ADAM2: variants seen among roughly 807,000 people sequenced by gnomAD.
ADAM2 encodes the protein disintegrin and metalloproteinase domain-containing protein 2.
A neutral mutation model predicts 99.3 loss-of-function variants in ADAM2; 101 were observed. The observed-to-expected ratio is 1.02, with a 90% CI of 0.87 to 1.20. ADAM2 has a LOEUF of 1.20. Ranked by LOEUF, ADAM2 falls within the 50% of genes most tolerant of loss-of-function variation. The pLI, the probability that ADAM2 is intolerant of heterozygous loss-of-function variation, is 0.00. For missense variants in ADAM2, 948 were observed against 878.7 expected (o/e 1.08, Z -1.00); for synonymous variants, 323 against 287.6 (o/e 1.12, Z -1.25).
intron 7 of ADAM2, among the ~76,000 whole-genome samples, chr8:39,794,241 T>A (rs983337641): frequency 3.9e-5 from 6 of 152,186 alleles, no homozygotes; most frequent in Non-Finnish European, 7.4e-5. Context: ...TATCTTTAAA[T>A]GGTATTGCCA....
chr8:39,824,914 A>C lies in ADAM2; in HGVS notation c.189-17T>G. 8.7e-7 allele frequency: 1 copy of C among 1,143,260 alleles called. No individual in the cohort carries two copies. Among genetic ancestry groups the C allele is most frequent in the Non-Finnish European group, 1.3e-6 (1 of 770,608 alleles). 70.8% of individuals were successfully genotyped at this position (1,143,260 alleles called of 1,614,324 possible). A position where few individuals can be genotyped will look rare whatever the true frequency, so the allele number is the denominator to read the frequency against. ...AAAAAGTTTCTGTAACATAAAGATA[A>C]AATGGAAAAATTTGATTCTTAACCT... is the stretch of plus-strand genomic sequence containing the variant. On this transcript the variant is annotated splice_polypyrimidine_tract_variant and intron_variant, in intron 3 of 20. Transcript: ENST00000265708.
In ADAM2 at chr8:39,749,723, C is replaced by G. The variant is rs1395170461; in HGVS notation, c.1819G>C (p.Val607Leu). Residue 607 changes from valine to leucine, a missense_variant, in exon 17 of 21, where the codon GTG becomes CTG. By Grantham distance (32) the Val-to-Leu change is conservative. Transcript: ENST00000265708. ...TCATAACCCAAGTATGAAGAACTCA[C>G]ACATCTTTGATTCCTGCAAACCTAA... ...SNKVCRNQRC[V>L]SSSYLGYDCT... 1.2e-6 allele frequency: 2 copies of G among 1,612,258 alleles called. No individual in the cohort carries two copies. Among genetic ancestry groups the G allele is most frequent in the South Asian group, 2.2e-5 (2 of 90,892 alleles).
intron 16 of ADAM2, among the ~76,000 whole-genome samples, chr8:39,750,941 A>G (rs1304292013): frequency 6.6e-6 from 1 of 152,168 alleles, no homozygotes; most frequent in Admixed American, 6.5e-5. Context: ...AATATTTTTT[A>G]TTTTAAAAGT....
intron 11 of ADAM2, among the ~76,000 whole-genome samples, chr8:39,772,845 A>G (rs573260854): frequency 6.6e-6 from 1 of 152,044 alleles, no homozygotes; most frequent in South Asian, 2.1e-4. Flanking sequence ...TTTGTATTTT[A>G]AAAAAAGTAC....
intron 11 of ADAM2, among the ~76,000 whole-genome samples, chr8:39,775,183 CATTTT>C (rs1802940609): frequency 1.3e-5 from 2 of 152,112 alleles, no homozygotes; most frequent in South Asian, 4.1e-4. Context: ...GCGTACATTT[CATTTT>C]AAGACTTTTT....
intron 16 of ADAM2, among the ~76,000 whole-genome samples, chr8:39,755,276 C>T (rs1586050521): frequency 6.6e-6 from 1 of 152,286 alleles, no homozygotes; most frequent in African/African-American, 2.4e-5. Context: ...GTCATATATG[C>T]ATGATTGCAA....
intron 6 of ADAM2, among the ~76,000 whole-genome samples, chr8:39,818,698 A>G (rs915428387): frequency 6.6e-6 from 1 of 152,068 alleles, no homozygotes; most frequent in African/African-American, 2.4e-5. Context: ...ATAGAGAACT[A>G]ATAAACAAGT....
At chr8:39,763,142 A>C (rs59233101) in intron 14 of ADAM2, among the ~76,000 whole-genome samples, 36,338 of 152,008 alleles carry the variant, frequency 0.24, 5,891 homozygotes, top group African/African-American at 0.45. Flanking sequence ...TAAACTTTCC[A>C]TTCCCTGGAA....
chr8:39,788,096 T>C lies in ADAM2; in HGVS notation c.798A>G (p.Ala266=), dbSNP rs1227473046. The change falls in exon 9 of 21, where the codon GCA becomes GCG. Residue 266 remains alanine, a synonymous_variant. Coordinates refer to ENST00000265708, the MANE Select transcript of ADAM2 (RefSeq NM_001464.5). ...SYLVLRPHDV[A]FLLVYREKSN... Reference sequence around the variant, plus strand: ...CAAGATATCCTTACACAAGTAAAAATGCCACATCATGAGGACGTAAAACAA... The same window carrying C: ...CAAGATATCCTTACACAAGTAAAAACGCCACATCATGAGGACGTAAAACAA... 3 of 1,531,250 alleles carry C rather than the reference T, an allele frequency of 2.0e-6. No individual in the cohort carries two copies. Among genetic ancestry groups the C allele is most frequent in the Non-Finnish European group, 2.6e-6 (3 of 1,143,242 alleles). 94.9% of individuals were successfully genotyped at this position (1,531,250 alleles called of 1,614,324 possible).
At chr8:39,805,815 A>T (rs1212544901) in intron 7 of ADAM2, among the ~76,000 whole-genome samples, 1 of 152,240 alleles carries the variant, frequency 6.6e-6, no homozygotes, top group Non-Finnish European at 1.5e-5. Flanking sequence ...GAAGGCCAAC[A>T]TCACATCTAA....
At chr8:39,774,934 C>G (rs1311321717) in intron 11 of ADAM2, among the ~76,000 whole-genome samples, 1 of 151,894 alleles carries the variant, frequency 6.6e-6, no homozygotes, top group East Asian at 1.9e-4. Flanking sequence ...AAAGCATGAA[C>G]TTGATTGTAG....
At chr8:39,767,113 C>T (rs2129584101) in intron 13 of ADAM2, 40 bp downstream of exon 13, 1 of 1,598,492 alleles carries the variant, frequency 6.3e-7, no homozygotes, top group South Asian at 1.1e-5. Flanking sequence ...ATGATAACTA[C>T]TTATGTAGGT....
intron 10 of ADAM2, among the ~76,000 whole-genome samples, chr8:39,780,883 C>T (rs985563091): frequency 5.9e-5 from 9 of 152,036 alleles, no homozygotes; most frequent in African/African-American, 1.2e-4. Flanking sequence ...GGGTTTGAAA[C>T]TTGTAGAGAA....
intron 10 of ADAM2, among the ~76,000 whole-genome samples, chr8:39,779,324 C>T (rs143332270): frequency 6.6e-6 from 1 of 152,178 alleles, no homozygotes; most frequent in Non-Finnish European, 1.5e-5. Context: ...CATGGAGAGC[C>T]TTATCTCTGC....
At chr8:39,820,450 T>C (rs1345921392) in intron 6 of ADAM2, among the ~76,000 whole-genome samples, 2 of 151,988 alleles carry the variant, frequency 1.3e-5, no homozygotes, top group African/African-American at 2.4e-5. Flanking sequence ...ATCCTGAAAA[T>C]TGGAATGGGA....
At chr8:39,759,090 A>G (rs935454720) in intron 15 of ADAM2, among the ~76,000 whole-genome samples, 1 of 152,136 alleles carries the variant, frequency 6.6e-6, no homozygotes, top group Non-Finnish European at 1.5e-5. Context: ...AACTCCTCCA[A>G]AATTACATAT....
At chr8:39,836,208 T>A (rs1230436776) in intron 2 of ADAM2, among the ~76,000 whole-genome samples, 1 of 152,032 alleles carries the variant, frequency 6.6e-6, no homozygotes, top group Non-Finnish European at 1.5e-5. Flanking sequence ...AATGGGCATT[T>A]TTTTTTACTT....
At chr8:39,817,464 T>A (rs1274635854) in intron 6 of ADAM2, among the ~76,000 whole-genome samples, 1 of 152,156 alleles carries the variant, frequency 6.6e-6, no homozygotes, top group Non-Finnish European at 1.5e-5. Context: ...ATTGTATGTT[T>A]TCAAGTAGCT....
At chr8:39,796,361 G>A (rs1803946537) in intron 7 of ADAM2, among the ~76,000 whole-genome samples, 1 of 152,134 alleles carries the variant, frequency 6.6e-6, no homozygotes, top group Admixed American at 6.5e-5. Flanking sequence ...TCCCTGCAAA[G>A]GACACAATCT....
Sources: allele counts gnomAD v4.1 joint callset (sites outside exome capture counted in the v4.1 genomes callset), GRCh38; gene constraint gnomAD v4.1.1; transcripts MANE v1.5; gene names NCBI Gene and HGNC (gene_info 2026-07-23, HGNC 2026-07-21).